Variants in TNIK observed in about 807,000 individuals in gnomAD.
TNIK encodes TRAF2 and NCK-interacting protein kinase.
TNIK carries 49 observed loss-of-function variants against 191.3 expected under a neutral mutation model. The ratio of observed to expected loss-of-function variants is 0.26; its 90% CI spans 0.20 to 0.32. The LOEUF (loss-of-function observed/expected upper bound fraction) is 0.32, where lower values mean the gene tolerates loss of function less well. Among genes scored for constraint, TNIK ranks in the 10% least tolerant of loss-of-function variants. TNIK has a pLI of 1.00. For synonymous variants in TNIK, 594 were observed against 600.9 expected (o/e 0.99, Z 0.17); for missense variants, 1,155 against 1,702.3 (o/e 0.68, Z 5.66).
Position 171,093,921 on chromosome 3 carries a change from A to G in TNIK, c.2639T>C (p.Val880Ala). Residue 880 changes from valine (V) to alanine (A), a missense_variant, in exon 23 of 33, where the codon GTG becomes GCG. Physicochemically the swap from Val to Ala is moderately conservative, Grantham distance 64. Around this residue, in one of 3 missense-constraint regions of TNIK, gnomAD observed 735 missense variants for 848.0 expected, o/e 0.87. Transcript: ENST00000436636. ...GSNEQYNVGM[V>A]GTHGLETSHA... ...AGAGGTCTCCAGCCCATGCGTCCCCACCATTCCCACATTGTACTGCTCGTT... is the reference window on the plus strand; with the variant it reads ...AGAGGTCTCCAGCCCATGCGTCCCCGCCATTCCCACATTGTACTGCTCGTT... 1 of 1,613,670 alleles carries G rather than the reference A, an allele frequency of 6.2e-7. No homozygotes were observed. Among genetic ancestry groups the G allele is most frequent in the Non-Finnish European group, 8.5e-7 (1 of 1,179,786 alleles).
intron 2 of TNIK, among the ~76,000 whole-genome samples, chr3:171,325,078 G>C (rs1577483591): frequency 6.6e-6 from 1 of 151,966 alleles, no homozygotes; most frequent in East Asian, 1.9e-4. Context: ...TTCAGCCTGG[G>C]CAACAGAGCC....
intron 1 of TNIK, among the ~76,000 whole-genome samples, chr3:171,372,762 C>A (rs188272280): frequency 4.6e-5 from 7 of 152,288 alleles, no homozygotes; most frequent in Admixed American, 4.6e-4. Flanking sequence ...CAACTGAGTG[C>A]CTCAGCAGTG....
chr3:171,436,865 T>C (rs1726092086), intron 1 of TNIK, among the ~76,000 whole-genome samples: 1 of 152,164 alleles, frequency 6.6e-6, no homozygotes, highest in Non-Finnish European at 1.5e-5. Context: ...AAACAGACAG[T>C]GTATCTACCT....
chr3:171,087,535 T>TA, intron 23 of TNIK, 29 bp from the exon 24 acceptor site: 1 of 1,606,446 alleles, frequency 6.2e-7, no homozygotes, highest in Non-Finnish European at 8.5e-7. Flanking sequence ...TGGGAGGAGT[T>TA]AGAGAGGGGG....
intron 2 of TNIK, among the ~76,000 whole-genome samples, chr3:171,356,050 C>T (rs967182426): frequency 1.3e-5 from 2 of 152,202 alleles, no homozygotes; most frequent in Non-Finnish European, 2.9e-5. Flanking sequence ...CAAATATTTG[C>T]GTGGTCTCCA....
At chr3:171,161,796 T>C (rs1734026944) in intron 10 of TNIK, among the ~76,000 whole-genome samples, 1 of 151,942 alleles carries the variant, frequency 6.6e-6, no homozygotes, top group Non-Finnish European at 1.5e-5. Flanking sequence ...GGCGGGTGCC[T>C]GTAGTCCCAG....
chr3:171,281,425 GTGC>G (rs1156754790), intron 2 of TNIK, among the ~76,000 whole-genome samples: 1 of 152,134 alleles, frequency 6.6e-6, no homozygotes, highest in South Asian at 2.1e-4. Flanking sequence ...TTCAATTCTG[GTGC>G]TGCTATTTAT....
At chr3:171,358,010 G>A (rs1031626247) in intron 2 of TNIK, among the ~76,000 whole-genome samples, 2 of 152,118 alleles carry the variant, frequency 1.3e-5, no homozygotes, top group African/African-American at 4.8e-5. Context: ...AGGTGCATCG[G>A]GGAGTGTTGT....
chr3:171,251,518 A>G (rs1318409106), intron 2 of TNIK, among the ~76,000 whole-genome samples: 1 of 152,192 alleles, frequency 6.6e-6, no homozygotes, highest in Non-Finnish European at 1.5e-5. Context: ...GCTGGGGCTG[A>G]AGCACAGAGC....
intron 2 of TNIK, among the ~76,000 whole-genome samples, chr3:171,352,581 C>T (rs73171601): frequency 0.065 from 9,912 of 152,238 alleles, 448 homozygotes; most frequent in Middle Eastern, 0.1. Context: ...AAATAAGGAA[C>T]TACTTTACAG....
intron 15 of TNIK, among the ~76,000 whole-genome samples, chr3:171,137,196 G>A (rs1576928078): frequency 8.1e-6 from 1 of 122,958 alleles, no homozygotes; most frequent in Non-Finnish European, 1.6e-5. Flanking sequence ...AGTATTTTCT[G>A]TACATATGTC....
At chr3:171,182,005 T>A (rs911700057) in intron 7 of TNIK, among the ~76,000 whole-genome samples, 1 of 152,024 alleles carries the variant, frequency 6.6e-6, no homozygotes, top group Non-Finnish European at 1.5e-5. Context: ...TTAGTACACA[T>A]CACCTCAGAA....
chr3:171,362,393 A>G (rs1190540927), intron 2 of TNIK, among the ~76,000 whole-genome samples: 2 of 152,194 alleles, frequency 1.3e-5, no homozygotes, highest in African/African-American at 4.8e-5. Context: ...ATTACTTTTA[A>G]TGGCAAAAAC....
At chr3:171,341,759 CT>C (rs1481214409) in intron 2 of TNIK, among the ~76,000 whole-genome samples, 1 of 152,078 alleles carries the variant, frequency 6.6e-6, no homozygotes, top group African/African-American at 2.4e-5. Flanking sequence ...CAGTTACAGT[CT>C]AATAGGAGAG....
chr3:171,419,003 T>C (rs1004942752), intron 1 of TNIK, among the ~76,000 whole-genome samples: 2 of 152,166 alleles, frequency 1.3e-5, no homozygotes, highest in East Asian at 1.9e-4. Flanking sequence ...TGTCCCCATA[T>C]GGCAGAGAGA....
At chr3:171,214,395 G>C (rs1040033794) in intron 3 of TNIK, among the ~76,000 whole-genome samples, 2 of 152,146 alleles carry the variant, frequency 1.3e-5, no homozygotes, top group Non-Finnish European at 2.9e-5. Context: ...GAATCATCAT[G>C]TATCTTTTCC....
chr3:171,120,796 GAA>G (rs1293963123), intron 18 of TNIK, among the ~76,000 whole-genome samples: 1 of 152,154 alleles, frequency 6.6e-6, no homozygotes, highest in African/African-American at 2.4e-5. Flanking sequence ...TGCCACAGAA[GAA>G]GAGAGAGGTT....
At chr3:171,453,056 C>T (rs1402764672) in intron 1 of TNIK, among the ~76,000 whole-genome samples, 1 of 152,166 alleles carries the variant, frequency 6.6e-6, no homozygotes, top group Non-Finnish European at 1.5e-5. Context: ...ACAGGCCCCA[C>T]CTTTCTGAGG....
At chr3:171,396,057 C>T (rs1720197640) in intron 1 of TNIK, among the ~76,000 whole-genome samples, 1 of 152,182 alleles carries the variant, frequency 6.6e-6, no homozygotes, top group African/African-American at 2.4e-5. Flanking sequence ...CATTTCATCG[C>T]CTCAAAAAGA....
Sources: allele counts gnomAD v4.1 joint callset (sites outside exome capture counted in the v4.1 genomes callset), GRCh38; gene constraint gnomAD v4.1.1; regional missense constraint gnomAD v4.1.1; transcripts MANE v1.5; gene names NCBI Gene and HGNC (gene_info 2026-07-23, HGNC 2026-07-21).